PIAS1: variants seen among roughly 807,000 people sequenced by gnomAD.
PIAS1 encodes E3 SUMO-protein ligase PIAS1.
Under a neutral mutation model 71.3 loss-of-function variants are expected in PIAS1, and 6 were observed. The ratio of observed to expected loss-of-function variants is 0.08; its 90% CI spans 0.05 to 0.17. PIAS1 has a LOEUF of 0.17. PIAS1 is among the 10% of genes least tolerant of loss of function. The pLI is 1.00. For missense variants in PIAS1, 555 were observed against 793.6 expected, an observed-to-expected ratio of 0.70 and a Z score of 3.61; for synonymous variants, 303 against 292.9, an observed-to-expected ratio of 1.03 and a Z score of -0.35.
At chr15:68,142,486 A>G in intron 4 of PIAS1, 149 bp downstream of exon 4, 1 of 573,150 alleles carries the variant, frequency 1.7e-6, no homozygotes, top group Non-Finnish European at 3.0e-6. Flanking sequence ...AATGGAAAAA[A>G]AATTTTAAGG....
rs746166730 is a variant in PIAS1 at position 68,146,714 on chromosome 15, T to A, written c.828+14T>A. 2 of 1,598,826 alleles carry A rather than the reference T, an allele frequency of 1.3e-6. No homozygotes were observed. Among genetic ancestry groups the A allele is most frequent in the East Asian group, 4.5e-5 (2 of 44,726 alleles). ...GAAATTGGAAGAGTAAGTAAATTTT[T>A]GTTTCTACCAGATTTTTGTATTATA... On this transcript the variant is annotated intron_variant, in intron 6 of 13. Transcript: ENST00000249636.
chr15:68,079,426 C>T (rs2092205265), intron 1 of PIAS1, among the ~76,000 whole-genome samples: 1 of 152,072 alleles, frequency 6.6e-6, no homozygotes, highest in Admixed American at 6.6e-5. Context: ...TAGAAATTTG[C>T]ACTCTAAATT....
chr15:68,075,779 A>G (rs1487509237), intron 1 of PIAS1, among the ~76,000 whole-genome samples: 1 of 135,304 alleles, frequency 7.4e-6, no homozygotes, highest in African/African-American at 2.6e-5. Context: ...AATCATTCCT[A>G]GGGCTTTTTT....
chr15:68,073,411 A>G (rs1305293249), intron 1 of PIAS1, among the ~76,000 whole-genome samples: 1 of 152,230 alleles, frequency 6.6e-6, no homozygotes, highest in African/African-American at 2.4e-5. Context: ...TTTATTAATG[A>G]TGAACAAGAC....
chr15:68,159,427 A>G (rs889746210), intron 7 of PIAS1, among the ~76,000 whole-genome samples: 5 of 152,164 alleles, frequency 3.3e-5, no homozygotes, highest in African/African-American at 9.7e-5. Context: ...AACCACTGCC[A>G]CAATCAAAAT....
intron 11 of PIAS1, among the ~76,000 whole-genome samples, chr15:68,179,561 G>GTTTTTTTTTTTTTT (rs1307028845): frequency 6.6e-5 from 2 of 30,188 alleles, no homozygotes; most frequent in Non-Finnish European, 2.0e-4. Flanking sequence ...CTCGTGAAAT[G>GTTTTTTTTTTTTTT]TTCTTTTTTT....
At chr15:68,094,173 C>T (rs919508586) in intron 2 of PIAS1, among the ~76,000 whole-genome samples, 2 of 151,332 alleles carry the variant, frequency 1.3e-5, no homozygotes, top group Non-Finnish European at 2.9e-5. Flanking sequence ...TTTAAAGGTA[C>T]AGTTGTTCTT....
intron 7 of PIAS1, among the ~76,000 whole-genome samples, chr15:68,159,886 A>G (rs1354965886): frequency 6.6e-6 from 1 of 152,148 alleles, no homozygotes; most frequent in Non-Finnish European, 1.5e-5. Flanking sequence ...TATATATGGA[A>G]AACAGTTTGG....
At chr15:68,059,993 ATTG>A (rs1555421749) in intron 1 of PIAS1, among the ~76,000 whole-genome samples, 1 of 152,052 alleles carries the variant, frequency 6.6e-6, no homozygotes, top group Non-Finnish European at 1.5e-5. Flanking sequence ...TCATACCTTT[ATTG>A]TTTATGTTTC....
chr15:68,097,685 G>A (rs933682809), intron 2 of PIAS1, among the ~76,000 whole-genome samples: 9 of 152,068 alleles, frequency 5.9e-5, no homozygotes, highest in African/African-American at 1.2e-4. Context: ...TACCTGCCTC[G>A]GCCTCCCAAA....
Position 68,066,839 on chromosome 15 carries a change from G to T in PIAS1, c.24+12489G>T, listed in dbSNP as rs2092034159. On this transcript the variant is annotated intron_variant, in intron 1 of 13. Coordinates refer to ENST00000249636, the MANE Select transcript of PIAS1 (RefSeq NM_016166.3). ...TTTGTGTCTAATTGAATCATAATCA[G>T]GGAAAAGAACATGAATTTTAGAATT... 2.6e-5 allele frequency among the ~76,000 whole-genome samples: 4 copies of T among 152,084 alleles called. No individual in the cohort carries two copies. In the South Asian group the frequency reaches 8.3e-4, roughly 32 times the overall value.
At chr15:68,091,409 C>A (rs969817751) in intron 2 of PIAS1, among the ~76,000 whole-genome samples, 1 of 151,980 alleles carries the variant, frequency 6.6e-6, no homozygotes, top group African/African-American at 2.4e-5. Context: ...CTTTAGGATA[C>A]AGTATTTGAT....
At chr15:68,164,904 A>T (rs1451927803) in intron 8 of PIAS1, 100 bp downstream of exon 8, 3 of 660,108 alleles carry the variant, frequency 4.5e-6, no homozygotes, top group Non-Finnish European at 8.0e-6. Flanking sequence ...TGCTTCTAAA[A>T]TATGTCCACC....
Position 68,186,782 on chromosome 15 carries a change from T to C in PIAS1, c.1663-760T>C, listed in dbSNP as rs117377177. On this transcript the variant is annotated intron_variant, in intron 13 of 13. Transcript: ENST00000249636. This position sits in a 1 kb window ranked among gnomAD's most constrained non-coding sequence, Gnocchi z 4.4. ...TACTTAGCATTGTGTTACAGTTGCC[T>C]ACGGCATTCAGCACAGTAACATGCT... 6.1e-3 allele frequency among the ~76,000 whole-genome samples: 925 copies of C among 152,386 alleles called. 2 individuals are homozygous for C. The highest frequency in any genetic ancestry group is 0.032 in the East Asian group (164 of 5,190).
chr15:68,074,016 C>T (rs563594711), intron 1 of PIAS1, among the ~76,000 whole-genome samples: 6 of 151,950 alleles, frequency 3.9e-5, no homozygotes, highest in Non-Finnish European at 8.8e-5. Context: ...CTGGCATTGA[C>T]GGGTGATTAG....
At chr15:68,073,181 C>T (rs999221152) in intron 1 of PIAS1, among the ~76,000 whole-genome samples, 2 of 152,036 alleles carry the variant, frequency 1.3e-5, no homozygotes, top group Middle Eastern at 3.4e-3. Context: ...ACGCCCGGCT[C>T]ATTTTTTTGT....
intron 1 of PIAS1, among the ~76,000 whole-genome samples, chr15:68,060,901 C>CTCTA (rs1037773742): frequency 1.8e-4 from 27 of 152,340 alleles, no homozygotes; most frequent in Admixed American, 4.6e-4. Flanking sequence ...CCAGGTTGGT[C>CTCTA]TCTATCTCTT....
chr15:68,064,424 G>T (rs538338118), intron 1 of PIAS1, among the ~76,000 whole-genome samples: 1 of 152,280 alleles, frequency 6.6e-6, no homozygotes, highest in South Asian at 2.1e-4. Context: ...TGGAAGAACT[G>T]CATAACTCAG....
chr15:68,078,779 C>T (rs2092196938), intron 1 of PIAS1, among the ~76,000 whole-genome samples: 1 of 152,120 alleles, frequency 6.6e-6, no homozygotes, highest in African/African-American at 2.4e-5. Context: ...GATAATCATG[C>T]TTACTATAAT....
Sources: allele counts gnomAD v4.1 joint callset (sites outside exome capture counted in the v4.1 genomes callset), GRCh38; gene constraint gnomAD v4.1.1; non-coding constraint Gnocchi (gnomAD v3.1); transcripts MANE v1.5; gene names NCBI Gene and HGNC (gene_info 2026-07-23, HGNC 2026-07-21).